The following NTN4 variants were observed in gnomAD, a reference collection of about 807,000 sequenced individuals.
The protein encoded by NTN4 is netrin 4.
In NTN4, 32 loss-of-function variants were observed where a neutral mutation model predicts 73.6. The ratio of observed to expected loss-of-function variants is 0.44; its 90% CI spans 0.33 to 0.58. The LOEUF (loss-of-function observed/expected upper bound fraction) is 0.58, where lower values mean the gene tolerates loss of function less well. Ranked by LOEUF, NTN4 falls within the 20% of genes least tolerant of loss-of-function variation. NTN4 has a pLI of 0.04. For synonymous variants in NTN4, 258 were observed against 287.5 expected (o/e 0.90, Z 1.04); for missense variants, 654 against 798.3 (o/e 0.82, Z 2.18).
intron 2 of NTN4, among the ~76,000 whole-genome samples, chr12:95,770,037 G>A (rs901180332): frequency 6.6e-6 from 1 of 152,146 alleles, no homozygotes; most frequent in Non-Finnish European, 1.5e-5. Context: ...GATTACAGGT[G>A]TGAGTGACCA....
intron 6 of NTN4, 95 bp from the exon 7 acceptor site, chr12:95,682,917 T>C: frequency 1.6e-6 from 1 of 638,460 alleles, no homozygotes; most frequent in Admixed American, 3.1e-5. Context: ...ATCTTCTGCC[T>C]TCCCATTCTT....
chr12:95,675,979 C>A (rs1289980492), intron 7 of NTN4, among the ~76,000 whole-genome samples: 1 of 152,158 alleles, frequency 6.6e-6, no homozygotes, highest in Non-Finnish European at 1.5e-5. Flanking sequence ...AGCATCTAGT[C>A]CTGCAAATTA....
intron 7 of NTN4, chr12:95,673,430 G>A (rs1355676546): frequency 2.5e-5 from 5 of 196,732 alleles, no homozygotes; most frequent in Non-Finnish European, 5.2e-5. Flanking sequence ...AGAAGCAAGA[G>A]AGCCTGTCTG....
chr12:95,786,549 A>C (rs1366130131), intron 2 of NTN4, among the ~76,000 whole-genome samples: 1 of 151,784 alleles, frequency 6.6e-6, no homozygotes, highest in Non-Finnish European at 1.5e-5. Context: ...TTTACTTCCT[A>C]TTTATATTAA....
At chr12:95,672,087 G>T (rs1384047420) in intron 7 of NTN4, among the ~76,000 whole-genome samples, 1 of 151,832 alleles carries the variant, frequency 6.6e-6, no homozygotes, top group Non-Finnish European at 1.5e-5. Context: ...TTGGGAGGTC[G>T]ATATGGGTGG....
intron 3 of NTN4, among the ~76,000 whole-genome samples, chr12:95,722,718 T>TA (rs1055877896): frequency 1.8e-4 from 27 of 152,306 alleles, no homozygotes; most frequent in African/African-American, 5.8e-4. Flanking sequence ...CTCATGCCTG[T>TA]AATCCCAGCA....
At position 95,665,964 on chromosome 12, in the gene NTN4, A is replaced by T. The variant is rs758771178; in HGVS notation, c.1596T>A (p.Ile532=). 6.8e-6 allele frequency: 11 copies of T among 1,610,202 alleles called. No individual in the cohort carries two copies. Among genetic ancestry groups the T allele is most frequent in the Non-Finnish European group, 9.3e-6 (11 of 1,178,370 alleles). ...MKYSYVLKIK[I]LSAHDKGTHV... is the part of the protein sequence containing the mutation. ...GAGTACCTTTATCATGAGCTGATAA[A>T]ATCTTTATTTTTAGCACTGTTAACA... The change falls in exon 9 of 10, where the codon ATT becomes ATA. Residue 532 remains isoleucine, a synonymous_variant. Coordinates refer to ENST00000343702, the MANE Select transcript of NTN4 (RefSeq NM_021229.4).
intron 9 of NTN4, among the ~76,000 whole-genome samples, chr12:95,665,352 A>G (rs1421436): frequency 0.95 from 144,196 of 152,324 alleles, 68,355 homozygotes; most frequent in East Asian, 1. Context: ...GAACTTGAGA[A>G]CTGTTTTCTC....
At chr12:95,669,482 G>A (rs1269104184) in intron 8 of NTN4, among the ~76,000 whole-genome samples, 2 of 151,996 alleles carry the variant, frequency 1.3e-5, no homozygotes, top group East Asian at 1.9e-4. Context: ...ACCATTTACC[G>A]AGCATCAAAT....
At position 95,787,255 on chromosome 12, in the gene NTN4, A is replaced by C. The variant is rs2079175337; in HGVS notation, c.269T>G (p.Leu90Arg). The C allele has an allele frequency of 5.6e-6, 9 of 1,614,242 alleles. No individual in the cohort carries two copies. Among genetic ancestry groups the C allele is most frequent in the Non-Finnish European group, 7.6e-6 (9 of 1,180,038 alleles). Residue 90 changes from leucine (L) to arginine (R), a missense_variant, in exon 2 of 10, where the codon CTG (leucine) becomes CGG (arginine). By Grantham distance (102) the Leu-to-Arg change is moderately radical (BLOSUM62 -2). Transcript: ENST00000343702. The part of the protein sequence containing the change: ...CNAAYPHLAH[L>R]PSAMADSSFR... The stretch of plus-strand genomic sequence containing the variant: ...GGATGAGTCTGCCATGGCAGATGGC[A>C]GGTGAGCCAGGTGAGGATAGGCAGC...
intron 5 of NTN4, among the ~76,000 whole-genome samples, chr12:95,707,969 C>T (rs927288900): frequency 1.3e-5 from 2 of 152,086 alleles, no homozygotes; most frequent in African/African-American, 4.8e-5. Context: ...ATGGGATACA[C>T]ACGTATATAT....
chr12:95,728,761 T>C (rs1018505408), intron 3 of NTN4, among the ~76,000 whole-genome samples: 3 of 152,170 alleles, frequency 2.0e-5, no homozygotes, highest in African/African-American at 7.2e-5. Context: ...CCAAATCTCA[T>C]GTCAAACTGT....
chr12:95,740,874 G>A (rs998264108), intron 2 of NTN4, among the ~76,000 whole-genome samples: 4 of 152,158 alleles, frequency 2.6e-5, no homozygotes, highest in African/African-American at 9.7e-5. Flanking sequence ...TAGGGAACTT[G>A]TCAGAGATGC....
chr12:95,758,930 A>C, intron 2 of NTN4, among the ~76,000 whole-genome samples: 1 of 152,156 alleles, frequency 6.6e-6, no homozygotes. Context: ...GTCCCATTCT[A>C]AGAAATTTTT....
At chr12:95,684,453 C>T (rs1325418125) in intron 5 of NTN4, among the ~76,000 whole-genome samples, 1 of 151,788 alleles carries the variant, frequency 6.6e-6, no homozygotes, top group African/African-American at 2.4e-5. Context: ...CCGGCACCAT[C>T]ATACCTGGCT....
intron 4 of NTN4, among the ~76,000 whole-genome samples, chr12:95,710,848 A>G (rs2078559839): frequency 4.6e-5 from 7 of 151,994 alleles, no homozygotes; most frequent in Admixed American, 4.6e-4. Context: ...TACTAAATAC[A>G]AAAAAATTAG....
At chr12:95,738,700 G>A (rs2078800650) in intron 2 of NTN4, among the ~76,000 whole-genome samples, 1 of 151,670 alleles carries the variant, frequency 6.6e-6, no homozygotes, top group Non-Finnish European at 1.5e-5. Context: ...TCTCTTTTTG[G>A]ATATAAAAGT....
Position 95,787,453 on chromosome 12 carries a change from G to T in NTN4, c.71C>A (p.Ala24Asp), listed in dbSNP as rs754395791. The change falls in exon 2 of 10, where the codon GCT becomes GAT. Residue 24 changes from alanine (A) to aspartate (D), a missense_variant. Physicochemically the swap from Ala to Asp is moderately radical, Grantham distance 126. Transcript: ENST00000343702. ...TVVAAGLSGV[A>D]GVSSRCEKAC... is the part of the protein sequence containing the mutation. ...TTTTTCACAGCGGGAACTCACTCCA[G>T]CTACTCCACTCAGTCCTAAGAAAGG... The T allele has an allele frequency of 6.2e-7, 1 of 1,613,946 alleles. No individual in the cohort carries two copies. Among genetic ancestry groups the T allele is most frequent in the South Asian group, 1.1e-5 (1 of 91,052 alleles).
intron 5 of NTN4, among the ~76,000 whole-genome samples, chr12:95,696,651 T>C (rs2078444495): frequency 6.6e-6 from 1 of 152,010 alleles, no homozygotes; most frequent in African/African-American, 2.4e-5. Flanking sequence ...TTGATGAACC[T>C]CCTAGAAGGT....
Sources: gnomAD v4.1 joint callset for allele counts (sites outside exome capture counted in the v4.1 genomes callset) on GRCh38, gnomAD v4.1.1 for gene constraint, MANE v1.5 for transcripts, NCBI Gene and HGNC (gene_info 2026-07-23, HGNC 2026-07-21) for gene names.